Variants in ANO7 observed in about 807,000 individuals in gnomAD.
The protein encoded by ANO7 is anoctamin 7, also known as anoctamin-7.
A neutral mutation model predicts 115.8 loss-of-function variants in ANO7; 114 were observed. The ratio of observed to expected loss-of-function variants is 0.98; its 90% confidence interval spans 0.85 to 1.15. ANO7 has a LOEUF of 1.15. Ranked by LOEUF, ANO7 falls within the 50% of genes most tolerant of loss-of-function variation. The pLI, the probability that ANO7 is intolerant of heterozygous loss-of-function variation, is 0.00. For missense variants in ANO7, 1,302 were observed against 1,201.2 expected (o/e 1.08, Z -1.24); for synonymous variants, 550 against 498.2 (o/e 1.10, Z -1.38).
chr2:241,201,589 G>C (rs1430853397), intron 7 of ANO7, among the ~76,000 whole-genome samples: 1 of 152,228 alleles, frequency 6.6e-6, no homozygotes, highest in Non-Finnish European at 1.5e-5. Context: ...GGACCCCAGG[G>C]CTCAAAATAG....
At chr2:241,200,361 C>T in intron 6 of ANO7, 136 bp downstream of exon 6, 1 of 1,224,668 alleles carries the variant, frequency 8.2e-7, no homozygotes, top group South Asian at 1.5e-5. Context: ...GCCAGGTGCG[C>T]ACGCTTATCG....
chr2:241,234,396 CAAAGGCT>C, the ANO7 span, among the ~76,000 whole-genome samples: 1 of 152,218 alleles, frequency 6.6e-6, no homozygotes, highest in East Asian at 1.9e-4. Flanking sequence ...CACCCATGGC[CAAAGGCT>C]ACAGGTATGA....
At chr2:241,222,842 C>T (rs1007968658) in intron 21 of ANO7, among the ~76,000 whole-genome samples, 2 of 152,084 alleles carry the variant, frequency 1.3e-5, no homozygotes, top group Non-Finnish European at 2.9e-5. Context: ...GGATTTTCAC[C>T]GTGTAAGTAG....
At chr2:241,240,037 T>C in the ANO7 span, 1 of 1,614,198 alleles carries the variant, frequency 6.2e-7, no homozygotes, top group Non-Finnish European at 8.5e-7. The surrounding 1 kb of genome is among the most constrained non-coding windows in gnomAD (Gnocchi z 5.5). Context: ...GTCGCGCACC[T>C]TGCGAATTTT....
downstream of ANO7, chr2:241,229,784 G>GGGCCCCCCCCCCCCC: frequency 2.7e-6 from 4 of 1,502,538 alleles, no homozygotes; most frequent in Non-Finnish European, 2.7e-6. Context: ...AAGCCCGCCT[G>GGGCCCCCCCCCCCCC]CCCGCCCACC....
At chr2:241,209,889 T>G (rs1028330445) in intron 13 of ANO7, among the ~76,000 whole-genome samples, 1 of 151,586 alleles carries the variant, frequency 6.6e-6, no homozygotes. Flanking sequence ...AGCAAGGGGG[T>G]TGGTTTCAAG....
intron 4 of ANO7, 66 bp downstream of exon 4, chr2:241,195,911 C>T (rs559274730): frequency 1.4e-5 from 23 of 1,613,714 alleles, no homozygotes; most frequent in Admixed American, 5.0e-5. Flanking sequence ...ATGACCTTGC[C>T]GCATGAGGCC....
the ANO7 span, chr2:241,235,317 G>A: frequency 6.2e-7 from 1 of 1,609,078 alleles, no homozygotes; most frequent in Non-Finnish European, 8.5e-7. Flanking sequence ...GAGTCCATTG[G>A]CCCTGGGACC....
intron 9 of ANO7, 40 bp from the exon 10 acceptor site, chr2:241,204,825 C>T (rs1199645816): frequency 1.3e-6 from 2 of 1,573,036 alleles, no homozygotes; most frequent in African/African-American, 2.7e-5. Flanking sequence ...GCCCCCAAGC[C>T]TGGGTTCCTG....
the ANO7 span, chr2:241,236,278 C>CG: frequency 5.1e-5 from 17 of 331,596 alleles, no homozygotes; most frequent in Middle Eastern, 9.4e-4. Flanking sequence ...CCCACTCACG[C>CG]GGGGGGAGAC....
At chr2:241,218,408 C>T (rs1004003456) in intron 21 of ANO7, 27 bp downstream of exon 21, 5 of 1,300,398 alleles carry the variant, frequency 3.8e-6, no homozygotes, top group Non-Finnish European at 3.9e-6. Context: ...GTGGAGGGGG[C>T]CGCGGGCGCA....
At chr2:241,192,280 G>A (rs576578484) in intron 3 of ANO7, among the ~76,000 whole-genome samples, 1 of 152,252 alleles carries the variant, frequency 6.6e-6, no homozygotes, top group Non-Finnish European at 1.5e-5. Flanking sequence ...AACCGAGGTC[G>A]CGCCATTGCA....
Position 241,212,094 on chromosome 2 carries a change from A to T in ANO7, c.1562A>T (p.Glu521Val). ...VSLAHVLTRW[E>V]MHRTQTKFED... ...TGAGCCCAGGCTCTCCATGCCACAGAAATGCACCGCACCCAGACCAAGTTC... is the reference window on the plus strand; with the variant it reads ...TGAGCCCAGGCTCTCCATGCCACAGTAATGCACCGCACCCAGACCAAGTTC... The change falls in exon 16 of 25, where the codon GAA (glutamate) becomes GTA (valine). Residue 521 changes from glutamate (E) to valine (V), a missense_variant and splice_region_variant. Transcript: ENST00000674324. 2 of 1,613,872 alleles carry T rather than the reference A, an allele frequency of 1.2e-6. No homozygotes were observed. The highest frequency in any genetic ancestry group is 1.7e-6 in the Non-Finnish European group (2 of 1,179,898).
At chr2:241,238,782 A>G in the ANO7 span, 2 of 1,503,734 alleles carry the variant, frequency 1.3e-6, no homozygotes, top group Non-Finnish European at 1.8e-6. The surrounding 1 kb of genome is among the most constrained non-coding windows in gnomAD (Gnocchi z 4.9). Context: ...ATGTCACCTG[A>G]GCTTCCTGGA....
downstream of ANO7, chr2:241,229,784 G>GGGCC (rs1574820986): frequency 9.3e-6 from 14 of 1,502,530 alleles, no homozygotes; most frequent in Non-Finnish European, 1.2e-5. Context: ...AAGCCCGCCT[G>GGGCC]CCCGCCCACC....
At chr2:241,232,598 A>G in the ANO7 span, among the ~76,000 whole-genome samples, 17 of 152,090 alleles carry the variant, frequency 1.1e-4, no homozygotes, top group Admixed American at 7.9e-4. Context: ...TAAGATTGAT[A>G]ATTATATAGA....
chr2:241,212,070 G>GAGC, intron 15 of ANO7, 24 bp from the exon 16 acceptor site: 1 of 1,608,592 alleles, frequency 6.2e-7, no homozygotes, highest in South Asian at 1.1e-5. Flanking sequence ...CCCAGGGACT[G>GAGC]AGCCCAGGCT....
At chr2:241,233,162 A>G in the ANO7 span, among the ~76,000 whole-genome samples, 1 of 152,184 alleles carries the variant, frequency 6.6e-6, no homozygotes, top group Non-Finnish European at 1.5e-5. The surrounding 1 kb of genome is among the most constrained non-coding windows in gnomAD (Gnocchi z 4.3). Context: ...GGACACGCCT[A>G]GGAAGCAGAC....
At chr2:241,204,745 C>T in intron 9 of ANO7, 120 bp from the exon 10 acceptor site, 2 of 692,336 alleles carry the variant, frequency 2.9e-6, no homozygotes, top group South Asian at 1.8e-5. Flanking sequence ...TCACATAGGG[C>T]CCCAGCCCCC....
Sources: allele counts gnomAD v4.1 joint callset (sites outside exome capture counted in the v4.1 genomes callset), GRCh38; gene constraint gnomAD v4.1.1; non-coding constraint Gnocchi (gnomAD v3.1); transcripts MANE v1.5; gene names NCBI Gene and HGNC (gene_info 2026-07-23, HGNC 2026-07-21).